DLGAP1: variants seen among roughly 807,000 people sequenced by gnomAD.
DLGAP1 encodes disks large-associated protein 1.
DLGAP1 carries 11 observed loss-of-function variants against 90.8 expected under a neutral mutation model. The ratio of observed to expected loss-of-function variants is 0.12; its 90% confidence interval spans 0.08 to 0.20. The LOEUF is 0.20. Among genes scored for constraint, DLGAP1 ranks in the 10% least tolerant of loss-of-function variants. The pLI, the probability that DLGAP1 is intolerant of heterozygous loss-of-function variation, is 1.00. For synonymous variants in DLGAP1, 558 were observed against 540.7 expected (o/e 1.03, Z -0.44); for missense variants, 1,050 against 1,333.8 (o/e 0.79, Z 3.31).
At position 3,936,619 on chromosome 18, in the gene DLGAP1, T is replaced by C. The variant is rs893851567; in HGVS notation, c.-72-56479A>G. Among the ~76,000 whole-genome samples the C allele has an allele frequency of 6.6e-5, 10 of 152,344 alleles. No homozygotes were observed. In the South Asian group the frequency reaches 2.1e-3, roughly 32 times the overall value. ...CTATTAGATTGTGAATACCTTGAGA[T>C]AAAGTTCTATTGATTGATTCATCAC... is the stretch of plus-strand genomic sequence containing the variant. On this transcript the variant is annotated intron_variant, in intron 3 of 12. Transcript: ENST00000315677.
At chr18:3,720,888 C>CAAAAAA (rs1186426563) in intron 7 of DLGAP1, among the ~76,000 whole-genome samples, 6 of 50,312 alleles carry the variant, frequency 1.2e-4, no homozygotes, top group African/African-American at 2.4e-4. Flanking sequence ...CTTGTCTCTA[C>CAAAAAA]AAAAAAAAAA....
intron 1 of DLGAP1, among the ~76,000 whole-genome samples, chr18:4,298,772 A>T (rs1370592553): frequency 2.5e-5 from 2 of 79,968 alleles, no homozygotes; most frequent in Non-Finnish European, 4.8e-5. Flanking sequence ...TTAAATAAAT[A>T]AAAAAAAAAA....
chr18:3,855,565 T>G (rs2069588946), intron 4 of DLGAP1, among the ~76,000 whole-genome samples: 1 of 152,202 alleles, frequency 6.6e-6, no homozygotes, highest in Admixed American at 6.5e-5. Flanking sequence ...TATTTCCTGT[T>G]GTTTTACAAT....
chr18:4,390,097 A>C (rs2082310925), intron 1 of DLGAP1, among the ~76,000 whole-genome samples: 1 of 151,962 alleles, frequency 6.6e-6, no homozygotes, highest in African/African-American at 2.4e-5. Context: ...GTTCTCCAAA[A>C]TATTCTCTGC....
intron 1 of DLGAP1, among the ~76,000 whole-genome samples, chr18:4,302,305 C>T (rs9966403): frequency 0.21 from 32,524 of 151,972 alleles, 3,566 homozygotes; most frequent in African/African-American, 0.25. Context: ...TAATCCATTT[C>T]GAGTTGATTT....
At chr18:4,147,583 AT>A (rs2076606559) in intron 2 of DLGAP1, among the ~76,000 whole-genome samples, 7 of 65,590 alleles carry the variant, frequency 1.1e-4, no homozygotes, top group Admixed American at 1.0e-3. Flanking sequence ...CCATCCATCC[AT>A]CCATCCATCC....
intron 4 of DLGAP1, among the ~76,000 whole-genome samples, chr18:3,872,017 A>G (rs915612739): frequency 6.6e-6 from 1 of 152,178 alleles, no homozygotes; most frequent in Non-Finnish European, 1.5e-5. Context: ...GTTGACAGAG[A>G]ACAGTGACCT....
intron 1 of DLGAP1, among the ~76,000 whole-genome samples, chr18:4,309,497 G>C (rs1261297201): frequency 6.6e-6 from 1 of 152,154 alleles, no homozygotes; most frequent in Non-Finnish European, 1.5e-5. Context: ...GGCTGAGTCA[G>C]GATGAACTAA....
chr18:4,310,208 A>G (rs191511920), intron 1 of DLGAP1, among the ~76,000 whole-genome samples: 188 of 152,316 alleles, frequency 1.2e-3, no homozygotes, highest in African/African-American at 4.4e-3. Context: ...CTCCTCATTC[A>G]GAAGATACTT....
intron 1 of DLGAP1, among the ~76,000 whole-genome samples, chr18:4,162,474 TA>T (rs1229168730): frequency 6.6e-6 from 1 of 152,174 alleles, no homozygotes. Flanking sequence ...TCTTTTACCT[TA>T]ACAGATAAAA....
intron 1 of DLGAP1, among the ~76,000 whole-genome samples, chr18:4,444,204 CTTTTCAGTG>C (rs1302634038): frequency 7.0e-6 from 1 of 142,036 alleles, no homozygotes; most frequent in African/African-American, 2.5e-5. Flanking sequence ...GGCATGACTG[CTTTTCAGTG>C]TTGCCTCTTC....
At chr18:4,155,265 A>T (rs1359974147) in intron 1 of DLGAP1, among the ~76,000 whole-genome samples, 2 of 152,130 alleles carry the variant, frequency 1.3e-5, no homozygotes, top group Admixed American at 6.6e-5. Context: ...GTATGTGCAC[A>T]ATTTACTTCT....
chr18:3,632,088 T>C (rs1407056783), intron 7 of DLGAP1, among the ~76,000 whole-genome samples: 3 of 152,164 alleles, frequency 2.0e-5, no homozygotes, highest in Non-Finnish European at 2.9e-5. Context: ...CAAGATGTTG[T>C]TATCTTTGTT....
intron 2 of DLGAP1, among the ~76,000 whole-genome samples, chr18:4,014,142 G>C (rs866981265): frequency 6.0e-5 from 9 of 149,622 alleles, no homozygotes; most frequent in Middle Eastern, 6.9e-3. Flanking sequence ...CTGGAGTGGA[G>C]TGGCATGATC....
At chr18:4,381,829 C>G (rs1212102228) in intron 1 of DLGAP1, among the ~76,000 whole-genome samples, 1 of 152,086 alleles carries the variant, frequency 6.6e-6, no homozygotes, top group Non-Finnish European at 1.5e-5. Flanking sequence ...TAAAGACATA[C>G]CTGAGACTGG....
intron 2 of DLGAP1, among the ~76,000 whole-genome samples, chr18:4,126,193 AAAAT>A (rs1369850534): frequency 2.0e-5 from 3 of 152,228 alleles, no homozygotes; most frequent in African/African-American, 7.2e-5. Flanking sequence ...ATCACATTAA[AAAAT>A]AAATAAAAGC....
chr18:4,144,278 G>T (rs182029244), intron 2 of DLGAP1, among the ~76,000 whole-genome samples: 1 of 152,316 alleles, frequency 6.6e-6, no homozygotes, highest in Non-Finnish European at 1.5e-5. Flanking sequence ...CAGAATTAGA[G>T]TTCTGACTGC....
At chr18:3,983,794 C>T (rs2073786677) in intron 3 of DLGAP1, 1 of 152,128 alleles carries the variant, frequency 6.6e-6, no homozygotes, top group African/African-American at 2.4e-5. Flanking sequence ...ATCATCAGCC[C>T]ATTCTAACGT....
At chr18:4,440,585 A>G (rs528286927) in intron 1 of DLGAP1, among the ~76,000 whole-genome samples, 1 of 152,312 alleles carries the variant, frequency 6.6e-6, no homozygotes, top group Admixed American at 6.5e-5. Flanking sequence ...TCAAGAACAT[A>G]AGGTAATTCA....
Sources: gnomAD v4.1 joint callset for allele counts (sites outside exome capture counted in the v4.1 genomes callset) on GRCh38, gnomAD v4.1.1 for gene constraint, MANE v1.5 for transcripts, NCBI Gene and HGNC (gene_info 2026-07-23, HGNC 2026-07-21) for gene names.